DACH2: variants seen among roughly 807,000 people sequenced by gnomAD.
The protein encoded by DACH2 is dachshund homolog 2.
DACH2 carries 17 observed loss-of-function variants against 35.8 expected under a neutral mutation model. The ratio of observed to expected loss-of-function variants is 0.48; its 90% confidence interval spans 0.33 to 0.71. The LOEUF (loss-of-function observed/expected upper bound fraction) is 0.71, where lower values mean the gene tolerates loss of function less well. Ranked by LOEUF, DACH2 falls within the 30% of genes least tolerant of loss-of-function variation. DACH2 has a pLI of 0.02. For synonymous variants in DACH2, 195 were observed against 177.3 expected (o/e 1.10, Z -0.79); for missense variants, 469 against 472.7 (o/e 0.99, Z 0.07).
rs750072820 is a variant in DACH2, at chrX:86,297,698, G to C, written c.489-79126G>C. Among the ~76,000 whole-genome samples the C allele has an allele frequency of 3.4e-3, 384 of 112,121 alleles. 1 individual carries two copies. The highest frequency in any genetic ancestry group is 0.012 in the African/African-American group (377 of 30,904). ...TATGTTGGCTTAGAAAATGTTTCATGCTCTATTCTTATTGTTATCAGAAGT... is the reference window on the plus strand; with the variant it reads ...TATGTTGGCTTAGAAAATGTTTCATCCTCTATTCTTATTGTTATCAGAAGT... On this transcript the variant is annotated intron_variant, in intron 1 of 11. Transcript: ENST00000373125.
chrX:86,818,890 C>T (rs2042479074), intron 11 of DACH2, among the ~76,000 whole-genome samples: 1 of 109,504 alleles, frequency 9.1e-6, no homozygotes, highest in Admixed American at 9.9e-5. Context: ...ATGGCCACTC[C>T]TGGAAGCAAA....
At chrX:86,233,077 C>T (rs762288065) in intron 1 of DACH2, among the ~76,000 whole-genome samples, 1 of 111,646 alleles carries the variant, frequency 9.0e-6, no homozygotes, top group East Asian at 2.8e-4. Context: ...CCTTAGCAAA[C>T]TAATGCAGGA....
intron 1 of DACH2, among the ~76,000 whole-genome samples, chrX:86,180,238 A>ATAAATCAG (rs1372259649): frequency 1.0e-4 from 9 of 86,748 alleles, no homozygotes; most frequent in Non-Finnish European, 2.3e-5. Flanking sequence ...ATAAATCATG[A>ATAAATCAG]TAAATCAGTA....
At chrX:86,570,639 T>C (rs1476456893) in intron 3 of DACH2, among the ~76,000 whole-genome samples, 1 of 110,243 alleles carries the variant, frequency 9.1e-6, no homozygotes, top group Non-Finnish European at 1.9e-5. Context: ...CTGGGCTTAA[T>C]TCCTAGTTGA....
chrX:86,661,960 C>T (rs1255249769), intron 4 of DACH2, among the ~76,000 whole-genome samples: 1 of 111,502 alleles, frequency 9.0e-6, no homozygotes, highest in Non-Finnish European at 1.9e-5. Flanking sequence ...ACTTTAATGC[C>T]CTCTATAATA....
intron 2 of DACH2, among the ~76,000 whole-genome samples, chrX:86,431,631 C>T (rs1417312739): frequency 9.0e-6 from 1 of 111,659 alleles, no homozygotes; most frequent in African/African-American, 3.3e-5. Flanking sequence ...TCATATGTTA[C>T]ATCACCACAG....
intron 3 of DACH2, among the ~76,000 whole-genome samples, chrX:86,639,553 G>C (rs886599966): frequency 3.6e-5 from 4 of 111,567 alleles, no homozygotes; most frequent in Non-Finnish European, 7.5e-5. Flanking sequence ...AATCCAGGGG[G>C]CTGAGAAGCA....
intron 4 of DACH2, among the ~76,000 whole-genome samples, chrX:86,673,004 G>C (rs1040230993): frequency 1.8e-5 from 2 of 112,085 alleles, no homozygotes; most frequent in Non-Finnish European, 3.8e-5. Context: ...TCGCCCCCTT[G>C]CATAAGTGTG....
At chrX:86,372,001 C>T (rs1257144936) in intron 1 of DACH2, among the ~76,000 whole-genome samples, 2 of 110,954 alleles carry the variant, frequency 1.8e-5, no homozygotes, top group Non-Finnish European at 3.8e-5. Flanking sequence ...GAGGGGCAAC[C>T]GAAACCTAAT....
chrX:86,195,242 G>A (rs1315830235), intron 1 of DACH2, among the ~76,000 whole-genome samples: 1 of 111,826 alleles, frequency 8.9e-6, no homozygotes, highest in Non-Finnish European at 1.9e-5. Flanking sequence ...CTCACCAACT[G>A]CCATTGCAAA....
chrX:86,399,427 A>G (rs1434328583), intron 2 of DACH2, among the ~76,000 whole-genome samples: 1 of 111,519 alleles, frequency 9.0e-6, no homozygotes, highest in Non-Finnish European at 1.9e-5. Context: ...TTTCATTATG[A>G]TGTTAACTGG....
chrX:86,441,532 T>C (rs1417152896), intron 2 of DACH2, among the ~76,000 whole-genome samples: 6 of 108,915 alleles, frequency 5.5e-5, no homozygotes, highest in African/African-American at 1.7e-4. Context: ...CCACATTTTC[T>C]TTATCCATTA....
At chrX:86,797,560 T>A (rs1266631413) in intron 7 of DACH2, among the ~76,000 whole-genome samples, 4 of 111,493 alleles carry the variant, frequency 3.6e-5, no homozygotes, top group Non-Finnish European at 7.5e-5. Flanking sequence ...CCGTAAATAT[T>A]TGTAACAATA....
At chrX:86,556,795 T>TAGAG (rs1194704943) in intron 3 of DACH2, among the ~76,000 whole-genome samples, 155 of 25,204 alleles carry the variant, frequency 6.1e-3, no homozygotes, top group East Asian at 0.014. Flanking sequence ...TATATATATA[T>TAGAG]AGAGAGAGAG....
intron 3 of DACH2, among the ~76,000 whole-genome samples, chrX:86,549,279 T>C (rs1365894346): frequency 9.0e-6 from 1 of 111,482 alleles, no homozygotes; most frequent in African/African-American, 3.3e-5. Context: ...GGAACAGGTA[T>C]CCAAATAATA....
intron 1 of DACH2, among the ~76,000 whole-genome samples, chrX:86,334,763 T>A (rs2035274060): frequency 8.9e-6 from 1 of 112,230 alleles, no homozygotes; most frequent in African/African-American, 3.2e-5. Flanking sequence ...TTTAGTTTAG[T>A]TAGATCCCAT....
chrX:86,742,653 C>A, intron 7 of DACH2: 1 of 295,479 alleles, frequency 3.4e-6, no homozygotes, highest in Non-Finnish European at 6.6e-6. Context: ...TTATGATGCC[C>A]AACAATAGAG....
chrX:86,418,570 C>G (rs2036748415), intron 2 of DACH2, among the ~76,000 whole-genome samples: 1 of 111,818 alleles, frequency 8.9e-6, no homozygotes, highest in African/African-American at 3.3e-5. Flanking sequence ...TTCAGCCATA[C>G]TCAGGGCAGC....
At chrX:86,357,587 C>A (rs1161860945) in intron 1 of DACH2, among the ~76,000 whole-genome samples, 1 of 112,119 alleles carries the variant, frequency 8.9e-6, no homozygotes, top group Non-Finnish European at 1.9e-5. Flanking sequence ...ATGTGACATT[C>A]TTCGTGTATT....
Sources: allele counts gnomAD v4.1 joint callset (sites outside exome capture counted in the v4.1 genomes callset), GRCh38; gene constraint gnomAD v4.1.1; transcripts MANE v1.5; gene names NCBI Gene and HGNC (gene_info 2026-07-23, HGNC 2026-07-21).